Variants in DIP2C observed in about 807,000 individuals in gnomAD.
The protein encoded by DIP2C is DIP2 acetate--CoA ligase C (putative).
Under a neutral mutation model 192.4 loss-of-function variants are expected in DIP2C, and 33 were observed. That is an observed-to-expected ratio of 0.17 (90% CI 0.13 to 0.23). DIP2C has a LOEUF of 0.23. DIP2C is among the 10% of genes least tolerant of loss of function. The pLI is 1.00. For synonymous variants in DIP2C, 979 were observed against 864.1 expected, an observed-to-expected ratio of 1.13 and a Z score of -2.33; for missense variants, 1,537 against 2,110.1, an observed-to-expected ratio of 0.73 and a Z score of 5.32.
chr10:682,640 A>G (rs981181087), intron 1 of DIP2C, among the ~76,000 whole-genome samples: 3 of 152,152 alleles, frequency 2.0e-5, no homozygotes, highest in Non-Finnish European at 2.9e-5. Context: ...AGAGACAAAG[A>G]CTGGAATGGA....
intron 17 of DIP2C, among the ~76,000 whole-genome samples, chr10:374,154 T>C (rs1387853317): frequency 6.6e-6 from 1 of 152,204 alleles, no homozygotes; most frequent in African/African-American, 2.4e-5. Context: ...ATTCAGCTGG[T>C]TTGTTACACA....
intron 1 of DIP2C, among the ~76,000 whole-genome samples, chr10:676,101 C>T (rs1261396494): frequency 6.6e-6 from 1 of 152,130 alleles, no homozygotes; most frequent in African/African-American, 2.4e-5. Context: ...GCAAGGATGG[C>T]TCAACAAACA....
At chr10:433,378 A>AT (rs1406731867) in intron 4 of DIP2C, among the ~76,000 whole-genome samples, 1 of 152,158 alleles carries the variant, frequency 6.6e-6, no homozygotes, top group Non-Finnish European at 1.5e-5. Flanking sequence ...CACCACTTCC[A>AT]TTTTTTAAAA....
intron 4 of DIP2C, among the ~76,000 whole-genome samples, chr10:433,055 T>A (rs972833770): frequency 6.6e-6 from 1 of 152,210 alleles, no homozygotes; most frequent in Non-Finnish European, 1.5e-5. Context: ...TCATGGTGAA[T>A]GTTCAGCATT....
intron 24 of DIP2C, among the ~76,000 whole-genome samples, chr10:353,077 T>C (rs989002213): frequency 1.3e-5 from 2 of 152,148 alleles, no homozygotes; most frequent in African/African-American, 2.4e-5. Context: ...ACCCACCAGC[T>C]AAGAAGAAGG....
chr10:545,605 C>G (rs571071079), intron 1 of DIP2C, among the ~76,000 whole-genome samples: 2 of 152,194 alleles, frequency 1.3e-5, no homozygotes, highest in Non-Finnish European at 2.9e-5. Flanking sequence ...TGCACCTTGA[C>G]CCCAGGCTTC....
At chr10:676,503 T>TA (rs537175244) in intron 1 of DIP2C, among the ~76,000 whole-genome samples, 1,641 of 138,882 alleles carry the variant, frequency 0.012, 11 homozygotes, top group African/African-American at 0.017. Flanking sequence ...TCTTATATAT[T>TA]AAAAAAAAAA....
intron 1 of DIP2C, among the ~76,000 whole-genome samples, chr10:530,739 C>T (rs1047106876): frequency 3.3e-5 from 5 of 151,814 alleles, no homozygotes; most frequent in Admixed American, 2.6e-4. Flanking sequence ...CAACATGGCA[C>T]CCCCTGCTGT....
chr10:460,940 C>T (rs1969723272), intron 3 of DIP2C, among the ~76,000 whole-genome samples: 1 of 152,164 alleles, frequency 6.6e-6, no homozygotes, highest in African/African-American at 2.4e-5. Flanking sequence ...ATTTCCTATC[C>T]AGCCAAACTA....
chr10:539,833 A>G (rs994477591), intron 1 of DIP2C, among the ~76,000 whole-genome samples: 4 of 152,238 alleles, frequency 2.6e-5, no homozygotes, highest in African/African-American at 4.8e-5. Context: ...AAAAACAGCT[A>G]TATCATAGAA....
intron 3 of DIP2C, among the ~76,000 whole-genome samples, chr10:463,924 G>C (rs1274875094): frequency 6.6e-6 from 1 of 152,144 alleles, no homozygotes; most frequent in Non-Finnish European, 1.5e-5. Flanking sequence ...AATGGTGTTG[G>C]GGAAACAGGC....
At chr10:362,383 G>T in intron 22 of DIP2C, 107 bp downstream of exon 22, 2 of 1,298,826 alleles carry the variant, frequency 1.5e-6, no homozygotes, top group Non-Finnish European at 2.1e-6. Context: ...TTTCCCGCAA[G>T]CATCAGCTTC....
chr10:323,622 A>AT (rs1338108442), intron 31 of DIP2C, among the ~76,000 whole-genome samples: 2 of 152,270 alleles, frequency 1.3e-5, no homozygotes, highest in East Asian at 1.9e-4. Flanking sequence ...TGTGTTTTTG[A>AT]TTTTTTACAT....
At chr10:555,481 C>G (rs1848802056) in intron 1 of DIP2C, among the ~76,000 whole-genome samples, 2 of 152,254 alleles carry the variant, frequency 1.3e-5, no homozygotes, top group Non-Finnish European at 2.9e-5. Context: ...CACCCCCAAT[C>G]TCCTTGGAAC....
intron 3 of DIP2C, 29 bp downstream of exon 3, chr10:472,410 C>T (rs1475074349): frequency 6.9e-6 from 11 of 1,595,360 alleles, no homozygotes; most frequent in Middle Eastern, 3.3e-4. Context: ...GGCAGATGGA[C>T]GTATTGTATC....
rs1966017391 is a variant in DIP2C, at chr10:419,331, T to C, written c.605-132A>G. On this transcript the variant is annotated intron_variant, in intron 5 of 36. Transcript: ENST00000280886. ...GTGTGCCATGGAAAGCCAGAGCCGA[T>C]CTCAGCCGCATCTGCCACACACATC... The C allele has an allele frequency of 2.3e-6, 3 of 1,315,748 alleles. No individual in the cohort carries two copies. The South Asian group carries it at 4.0e-5, about 18-fold the overall frequency. The allele number at this position is 1,315,748 out of a possible 1,614,324, so 81.5% of individuals were successfully genotyped here. A position where few individuals can be genotyped will look rare whatever the true frequency, so the allele number is the denominator to read the frequency against.
In DIP2C at chr10:486,903, G is replaced by A. The variant is rs1389513144; in HGVS notation, c.86-373C>T. Among the ~76,000 whole-genome samples, 7 of 152,216 alleles carry A rather than the reference G, an allele frequency of 4.6e-5. No homozygotes were observed. In the East Asian group the frequency reaches 1.3e-3, roughly 29 times the overall value. ...CAGATCCTGCAGCTGCCAGGGCCGGGATGGCCGACACCAGCACCTATTGGC... is the reference window on the plus strand; with the variant it reads ...CAGATCCTGCAGCTGCCAGGGCCGGAATGGCCGACACCAGCACCTATTGGC... On this transcript the variant is annotated intron_variant, in intron 1 of 36. Coordinates refer to ENST00000280886, the MANE Select transcript of DIP2C (RefSeq NM_014974.3).
At chr10:400,012 A>G (rs568662090) in intron 9 of DIP2C, among the ~76,000 whole-genome samples, 2 of 152,302 alleles carry the variant, frequency 1.3e-5, no homozygotes, top group African/African-American at 4.8e-5. Flanking sequence ...GTTAATGTAA[A>G]TTACCAAGTA....
intron 36 of DIP2C, among the ~76,000 whole-genome samples, chr10:279,049 A>G (rs993157633): frequency 6.6e-6 from 1 of 152,206 alleles, no homozygotes; most frequent in African/African-American, 2.4e-5. Flanking sequence ...CGCATATTTT[A>G]TTCAGTATGG....
Sources: gnomAD v4.1 joint callset for allele counts (sites outside exome capture counted in the v4.1 genomes callset) on GRCh38, gnomAD v4.1.1 for gene constraint, MANE v1.5 for transcripts, NCBI Gene and HGNC (gene_info 2026-07-23, HGNC 2026-07-21) for gene names.